The following ZNF488 variants were observed in gnomAD, a reference collection of about 807,000 sequenced individuals.
The protein encoded by ZNF488 is zinc finger protein 488.
A neutral mutation model predicts 1.2 loss-of-function variants in ZNF488; 1 was observed. The observed-to-expected ratio is 0.86, with a 90% CI of 0.30 to 4.07. The LOEUF is 4.07. Among genes scored for constraint, ZNF488 ranks in the 30% most tolerant of loss-of-function variants. The pLI, the probability that ZNF488 is intolerant of heterozygous loss-of-function variation, is 0.18. For synonymous variants in ZNF488, 185 were observed against 190.1 expected (o/e 0.97, Z 0.22); for missense variants, 450 against 437.9 (o/e 1.03, Z -0.25).
Position 47,367,708 on chromosome 10 carries a change from C to A in ZNF488, c.*99G>T. 1 of 1,380,934 alleles carries A rather than the reference C, an allele frequency of 7.2e-7. No homozygotes were observed. Among genetic ancestry groups the A allele is most frequent in the Admixed American group, 2.4e-5 (1 of 42,516 alleles). The allele number at this position is 1,380,934 out of a possible 1,614,324, so 85.5% of individuals were successfully genotyped here. A position where few individuals can be genotyped will look rare whatever the true frequency, so the allele number is the denominator to read the frequency against. On this transcript the variant is annotated 3_prime_UTR_variant, in exon 2 of 2. Coordinates refer to ENST00000585316, the MANE Select transcript of ZNF488 (RefSeq NM_153034.4). ...TCTATGAATGCCAAAAGCAGCAGCT[C>A]TGCAAAGGACCATGACAGCCCCCTC...
intron 1 of ZNF488, among the ~76,000 whole-genome samples, chr10:47,375,323 T>C (rs947924187): frequency 5.3e-5 from 8 of 152,370 alleles, no homozygotes; most frequent in East Asian, 1.9e-4. Flanking sequence ...TTGCCTACGC[T>C]GTGGACGCTG....
intron 1 of ZNF488, among the ~76,000 whole-genome samples, chr10:47,377,671 T>TCACACACACA (rs55901237): frequency 0.021 from 2,211 of 104,950 alleles, 76 homozygotes; most frequent in Non-Finnish European, 0.029. Flanking sequence ...GCAATAACAA[T>TCACACACACA]CACACACACA....
In ZNF488 at chr10:47,367,742, C is replaced by T. The variant is rs1256280303; in HGVS notation, c.*65G>A. 23 of 1,539,020 alleles carry T rather than the reference C, an allele frequency of 1.5e-5. No homozygotes were observed. Among genetic ancestry groups the T allele is most frequent in the Non-Finnish European group, 1.9e-5 (22 of 1,141,580 alleles). ...ACCATGACAGCCCCCTCAACGCAGG[C>T]CCAGGGAGCCCCCCTCTGCCAAAGG... On this transcript the variant is annotated 3_prime_UTR_variant, in exon 2 of 2. Coordinates refer to ENST00000585316, the MANE Select transcript of ZNF488 (RefSeq NM_153034.4).
intron 1 of ZNF488, among the ~76,000 whole-genome samples, chr10:47,375,617 G>A (rs1200292459): frequency 2.0e-5 from 3 of 152,166 alleles, no homozygotes; most frequent in South Asian, 2.1e-4. Context: ...CTAGTATTCC[G>A]AAACTATTAT....
chr10:47,383,936 G>C (rs1442603743), intron 1 of ZNF488, among the ~76,000 whole-genome samples: 1 of 152,118 alleles, frequency 6.6e-6, no homozygotes, highest in Non-Finnish European at 1.5e-5. Flanking sequence ...GGAAAAGAGA[G>C]AGGGAGAGAG....
chr10:47,375,088 GTCTCTGCCTGCAACTTGAT>G lies in ZNF488; in HGVS notation c.-108-6170_-108-6152del, dbSNP rs1417015010. 2.0e-5 allele frequency among the ~76,000 whole-genome samples: 3 copies of G among 152,326 alleles called. No homozygotes were observed. The East Asian group carries it at 5.8e-4, about 29-fold the overall frequency. On this transcript the variant is annotated intron_variant, in intron 1 of 1. Coordinates refer to ENST00000585316, the MANE Select transcript of ZNF488 (RefSeq NM_153034.4). ...CACGCAATTCTGTCTGAAGGTTTTC[GTCTCTGCCTGCAACTTGAT>G]TTTCTTGGTATGCAGCCAGTGGTGT... is the stretch of plus-strand genomic sequence containing the variant.
intron 1 of ZNF488, among the ~76,000 whole-genome samples, chr10:47,377,451 T>A (rs577528130): frequency 1.3e-5 from 2 of 152,172 alleles, no homozygotes; most frequent in East Asian, 3.9e-4. Flanking sequence ...GTGGTTTGCA[T>A]CCAAAGAATC....
chr10:47,378,924 G>C (rs562005612), intron 1 of ZNF488, among the ~76,000 whole-genome samples: 1 of 152,152 alleles, frequency 6.6e-6, no homozygotes, highest in Admixed American at 6.5e-5. Flanking sequence ...GGTGAATGTC[G>C]GCCAGTGTCT....
chr10:47,380,090 T>C (rs1555215022), intron 1 of ZNF488, among the ~76,000 whole-genome samples: 1 of 152,276 alleles, frequency 6.6e-6, no homozygotes, highest in Admixed American at 6.5e-5. Flanking sequence ...GAACATGATA[T>C]GAAAAGATGC....
chr10:47,374,964 A>G (rs1316397083), intron 1 of ZNF488, among the ~76,000 whole-genome samples: 1 of 152,238 alleles, frequency 6.6e-6, no homozygotes, highest in Non-Finnish European at 1.5e-5. Context: ...AAGCCAAGTG[A>G]GATGGGGTTA....
chr10:47,370,059 G>A (rs576686007), intron 1 of ZNF488, among the ~76,000 whole-genome samples: 3 of 152,318 alleles, frequency 2.0e-5, no homozygotes, highest in South Asian at 2.1e-4. Flanking sequence ...AGAGTGTGGA[G>A]ACCTGCTCCT....
chr10:47,371,643 T>C (rs1449253755), intron 1 of ZNF488, among the ~76,000 whole-genome samples: 2 of 152,124 alleles, frequency 1.3e-5, no homozygotes, highest in African/African-American at 4.8e-5. Context: ...TCAACTGTTT[T>C]AAAGGCGGCA....
intron 1 of ZNF488, among the ~76,000 whole-genome samples, chr10:47,373,123 A>G (rs1387783290): frequency 7.2e-5 from 11 of 152,190 alleles, no homozygotes; most frequent in African/African-American, 2.4e-4. Context: ...ACCCTCACAG[A>G]GTCTCAAAAA....
At chr10:47,377,671 T>TCTCACACA (rs1555214622) in intron 1 of ZNF488, among the ~76,000 whole-genome samples, 8 of 105,032 alleles carry the variant, frequency 7.6e-5, no homozygotes, top group African/African-American at 1.4e-4. Flanking sequence ...GCAATAACAA[T>TCTCACACA]CACACACACA....
chr10:47,382,946 C>A (rs1339250554), intron 1 of ZNF488, among the ~76,000 whole-genome samples: 2 of 152,096 alleles, frequency 1.3e-5, no homozygotes, highest in Non-Finnish European at 2.9e-5. Flanking sequence ...TAACTTAGTG[C>A]ATATATATTA....
chr10:47,380,099 G>A (rs1555215026), intron 1 of ZNF488, among the ~76,000 whole-genome samples: 1 of 152,272 alleles, frequency 6.6e-6, no homozygotes, highest in Non-Finnish European at 1.5e-5. Flanking sequence ...ATGAAAAGAT[G>A]CTTTGTGGTC....
Position 47,367,050 on chromosome 10 carries a change from C to G in ZNF488, c.*757G>C, listed in dbSNP as rs1232387103. 6.0e-6 allele frequency: 1 copy of G among 167,036 alleles called. No homozygotes were observed. The highest frequency in any genetic ancestry group is 2.4e-5 in the African/African-American group (1 of 41,452). 10.3% of individuals were successfully genotyped at this position (167,036 alleles called of 1,614,324 possible). ...GAGGACATTGGCAATGTGACCCAAG[C>G]AGAGGCTTGAGGTGTGCTTGTTAGA... On this transcript the variant is annotated 3_prime_UTR_variant, in exon 2 of 2. Coordinates refer to ENST00000585316, the MANE Select transcript of ZNF488 (RefSeq NM_153034.4).
chr10:47,379,505 C>T (rs1054752652), intron 1 of ZNF488, among the ~76,000 whole-genome samples: 7 of 126,894 alleles, frequency 5.5e-5, no homozygotes, highest in Non-Finnish European at 1.2e-4. Context: ...CCTTTCATCC[C>T]ACCTGGGACC....
At chr10:47,370,299 T>A (rs932476605) in intron 1 of ZNF488, among the ~76,000 whole-genome samples, 2 of 152,270 alleles carry the variant, frequency 1.3e-5, no homozygotes, top group African/African-American at 4.8e-5. Flanking sequence ...TTTCCAACTC[T>A]GATGTAAAAT....
Sources: allele counts gnomAD v4.1 joint callset (sites outside exome capture counted in the v4.1 genomes callset), GRCh38; gene constraint gnomAD v4.1.1; transcripts MANE v1.5; gene names NCBI Gene and HGNC (gene_info 2026-07-23, HGNC 2026-07-21).